DISP1: variants seen among roughly 807,000 people sequenced by gnomAD.
DISP1 encodes dispatched RND transporter family member 1.
A neutral mutation model predicts 37.3 loss-of-function variants in DISP1; 30 were observed. The observed-to-expected ratio is 0.80, with a 90% CI of 0.60 to 1.09. DISP1 has a LOEUF of 1.09. Among genes scored for constraint, DISP1 ranks in the 50% least tolerant of loss-of-function variants. DISP1 has a pLI of 0.00. For synonymous variants in DISP1, 634 were observed against 690.2 expected (o/e 0.92, Z 1.28); for missense variants, 1,598 against 1,879.5 (o/e 0.85, Z 2.77).
chr1:222,914,346 T>G (rs1672374423), intron 1 of DISP1, among the ~76,000 whole-genome samples: 3 of 152,204 alleles, frequency 2.0e-5, no homozygotes, highest in Admixed American at 2.0e-4. Flanking sequence ...AAAAATTTTT[T>G]TGTGTGACCT....
At chr1:222,829,662 G>A (rs1000865741) in intron 1 of DISP1, among the ~76,000 whole-genome samples, 7 of 151,954 alleles carry the variant, frequency 4.6e-5, no homozygotes, top group African/African-American at 1.7e-4. Context: ...GCCTGGTCTT[G>A]AACTCCTGAC....
intron 1 of DISP1, among the ~76,000 whole-genome samples, chr1:222,890,244 T>TTG (rs1670866843): frequency 6.6e-6 from 1 of 152,234 alleles, no homozygotes; most frequent in Non-Finnish European, 1.5e-5. Flanking sequence ...GGTAGATAAT[T>TTG]GTTGAACACC....
chr1:222,997,090 T>C (rs1679131144), intron 8 of DISP1, among the ~76,000 whole-genome samples: 1 of 150,734 alleles, frequency 6.6e-6, no homozygotes, highest in South Asian at 2.1e-4. Context: ...TCAACATGAT[T>C]TATATAGATA....
chr1:222,857,693 G>A (rs141565732), intron 1 of DISP1, among the ~76,000 whole-genome samples: 1,814 of 152,206 alleles, frequency 0.012, 35 homozygotes, highest in African/African-American at 0.042. Context: ...TTGCTACAAA[G>A]AGAATAAAAT....
chr1:222,871,324 G>A (rs2125345039), intron 1 of DISP1, among the ~76,000 whole-genome samples: 1 of 152,238 alleles, frequency 6.6e-6, no homozygotes, highest in East Asian at 1.9e-4. Flanking sequence ...CCAATTCTGT[G>A]AAGAAAGTCA....
intron 4 of DISP1, among the ~76,000 whole-genome samples, chr1:222,983,440 A>T (rs1677984824): frequency 6.6e-6 from 1 of 152,062 alleles, no homozygotes; most frequent in African/African-American, 2.4e-5. Flanking sequence ...AACATGGCAA[A>T]ACCCCATCTC....
chr1:222,875,830 T>TA lies in DISP1; in HGVS notation c.-158-52584dup, dbSNP rs3028391. On this transcript the variant is annotated intron_variant, in intron 1 of 8. Coordinates refer to ENST00000675850, the MANE Select transcript of DISP1 (RefSeq NM_001377229.1). ...CAACAAGAGAGAAACCACATCTCAA[T>TA]AAAAAAAAAAAAAAAAGAAAGAAAG... Among the ~76,000 whole-genome samples the TA allele has an allele frequency of 2.8e-3, 366 of 132,402 alleles. 5 individuals are homozygous for TA. The highest frequency in any genetic ancestry group is 8.9e-3 in the African/African-American group (314 of 35,462). The allele number at this position is 132,402 out of a possible 152,430, so 86.9% of individuals were successfully genotyped here.
chr1:222,882,881 T>C (rs973961267), intron 1 of DISP1, among the ~76,000 whole-genome samples: 1 of 152,088 alleles, frequency 6.6e-6, no homozygotes, highest in African/African-American at 2.4e-5. Flanking sequence ...TATTAAAAAG[T>C]ATTAGAGAAG....
In DISP1 at chr1:223,004,749, A is replaced by G. The variant is rs1414029812; in HGVS notation, c.3352A>G (p.Ile1118Val). 3.1e-6 allele frequency: 5 copies of G among 1,613,802 alleles called. No individual in the cohort carries two copies. Among genetic ancestry groups the G allele is most frequent in the Non-Finnish European group, 4.2e-6 (5 of 1,180,028 alleles). Residue 1118 changes from isoleucine to valine, a missense_variant, in exon 9 of 9, where the codon ATC (isoleucine) becomes GTC (valine). Ile to Val is a conservative substitution (Grantham distance 29, BLOSUM62 3). Transcript: ENST00000675850. The surrounding 1 kb of genome is among the most constrained non-coding windows in gnomAD (Gnocchi z 4.9). The stretch of plus-strand genomic sequence containing the variant: ...CACCTTCATGATGCTCATCATGTGT[A>G]TCAGTTGGGCTTTCGCCACCTTCTT... ...LGTFMMLIMC[I>V]SWAFATFFFQ...
chr1:222,943,803 C>T (rs1421023860), intron 3 of DISP1, among the ~76,000 whole-genome samples: 2 of 152,036 alleles, frequency 1.3e-5, no homozygotes, highest in Non-Finnish European at 2.9e-5. Flanking sequence ...CCGAGGCAGG[C>T]GGATCACTTG....
chr1:222,917,831 G>C (rs1349486271), intron 1 of DISP1, among the ~76,000 whole-genome samples: 16 of 151,880 alleles, frequency 1.1e-4, no homozygotes, highest in Non-Finnish European at 2.4e-4. Context: ...TCAAGATATG[G>C]GAACTGAGCT....
intron 3 of DISP1, among the ~76,000 whole-genome samples, chr1:222,978,759 AC>A (rs1258462958): frequency 6.6e-6 from 1 of 152,138 alleles, no homozygotes. Context: ...TTTTCCCAGC[AC>A]CATTTATTAA....
chr1:222,926,883 G>A (rs950105873), intron 1 of DISP1, among the ~76,000 whole-genome samples: 3 of 152,140 alleles, frequency 2.0e-5, no homozygotes, highest in Admixed American at 6.5e-5. Context: ...ACACAAGAGG[G>A]TAGTCTTGTT....
intron 3 of DISP1, among the ~76,000 whole-genome samples, chr1:222,959,726 GAAAAGAA>G (rs1675899912): frequency 2.4e-5 from 3 of 126,930 alleles, no homozygotes; most frequent in African/African-American, 8.6e-5. Flanking sequence ...AGAAAGAAAA[GAAAAGAA>G]AAAAGAAAAA....
chr1:222,892,068 A>T (rs183376744), intron 1 of DISP1, among the ~76,000 whole-genome samples: 55 of 152,208 alleles, frequency 3.6e-4, no homozygotes, highest in Admixed American at 9.8e-4. Flanking sequence ...CCCATTTAGG[A>T]TTTGCTTCCT....
chr1:223,003,691 A>G lies in DISP1; in HGVS notation c.2294A>G (p.Asp765Gly). 1 of 1,614,164 alleles carries G rather than the reference A, an allele frequency of 6.2e-7. No individual in the cohort carries two copies. Among genetic ancestry groups the G allele is most frequent in the East Asian group, 2.2e-5 (1 of 44,884 alleles). The change falls in exon 9 of 9, where the codon GAT (aspartate) becomes GGT (glycine). Residue 765 changes from aspartate to glycine, a missense_variant. Physicochemically the swap from Asp to Gly is moderately conservative, Grantham distance 94. Coordinates refer to ENST00000675850, the MANE Select transcript of DISP1 (RefSeq NM_001377229.1). The surrounding 1 kb of genome is among the most constrained non-coding windows in gnomAD (Gnocchi z 4.3). Reference sequence around the variant, plus strand: ...TCGTCCCATCCTTTTGAGCGTTATGATGCTGAATACAAAAAGCTTTTCATG... The same window carrying G: ...TCGTCCCATCCTTTTGAGCGTTATGGTGCTGAATACAAAAAGCTTTTCATG... The part of the protein sequence containing the change: ...FRSSHPFERY[D>G]AEYKKLFMFE...
chr1:222,882,089 A>G (rs1385120393), intron 1 of DISP1, among the ~76,000 whole-genome samples: 1 of 152,184 alleles, frequency 6.6e-6, no homozygotes. Context: ...TAGAATTGGA[A>G]CTTTGACAAA....
intron 1 of DISP1, among the ~76,000 whole-genome samples, chr1:222,916,805 TTCTTA>T (rs1672516418): frequency 6.6e-6 from 1 of 152,200 alleles, no homozygotes; most frequent in Non-Finnish European, 1.5e-5. Context: ...ATTACCTTAT[TTCTTA>T]TCTTTTCACA....
chr1:222,944,905 G>T (rs1674655004), intron 3 of DISP1, among the ~76,000 whole-genome samples: 1 of 152,166 alleles, frequency 6.6e-6, no homozygotes, highest in South Asian at 2.1e-4. Context: ...TGCAGCTCAT[G>T]GCTGCGGGGA....
Sources: gnomAD v4.1 joint callset for allele counts (sites outside exome capture counted in the v4.1 genomes callset) on GRCh38, gnomAD v4.1.1 for gene constraint, Gnocchi (gnomAD v3.1) non-coding constraint, MANE v1.5 for transcripts, NCBI Gene and HGNC (gene_info 2026-07-23, HGNC 2026-07-21) for gene names.